SEMA3C: variants seen among roughly 807,000 people sequenced by gnomAD.
SEMA3C encodes semaphorin 3C, also known as semaphorin-3C.
Under a neutral mutation model 89.4 loss-of-function variants are expected in SEMA3C, and 47 were observed. The ratio of observed to expected loss-of-function variants is 0.53; its 90% CI spans 0.42 to 0.67. SEMA3C has a LOEUF of 0.67. Ranked by LOEUF, SEMA3C falls within the 30% of genes least tolerant of loss-of-function variation. The pLI is 0.00. For missense variants in SEMA3C, 839 were observed against 929.1 expected (o/e 0.90, Z 1.26); for synonymous variants, 310 against 320.2 (o/e 0.97, Z 0.34).
chr7:80,922,339 C>T (rs574375603), upstream of SEMA3C: 196 of 1,255,026 alleles, frequency 1.6e-4, 5 homozygotes, highest in South Asian at 2.2e-3. Flanking sequence ...ATATGCCATC[C>T]TTTTAAGTTT....
chr7:80,904,176 G>T (rs776122311), intron 2 of SEMA3C, among the ~76,000 whole-genome samples: 1 of 152,056 alleles, frequency 6.6e-6, no homozygotes. Context: ...CAGTAGCTGG[G>T]ACTACAGCCG....
intron 12 of SEMA3C, among the ~76,000 whole-genome samples, chr7:80,773,003 G>A (rs1788468475): frequency 6.6e-6 from 1 of 152,132 alleles, no homozygotes; most frequent in African/African-American, 2.4e-5. Flanking sequence ...ATAAGCTTTA[G>A]AGAAGAAACA....
intron 11 of SEMA3C, among the ~76,000 whole-genome samples, chr7:80,790,490 TAC>T (rs1788911649): frequency 6.6e-6 from 1 of 152,194 alleles, no homozygotes; most frequent in South Asian, 2.1e-4. Context: ...TAGAATGGCC[TAC>T]AGGCCTCTGC....
chr7:80,802,062 C>T (rs887541406), intron 9 of SEMA3C, among the ~76,000 whole-genome samples: 11 of 152,014 alleles, frequency 7.2e-5, no homozygotes, highest in Middle Eastern at 6.8e-3. Context: ...ATATGATGTG[C>T]CCTGGGATAT....
At chr7:80,922,074 T>C (rs920556489), upstream of SEMA3C, among the ~76,000 whole-genome samples, 46 of 152,160 alleles carry the variant, frequency 3.0e-4, no homozygotes, top group African/African-American at 9.7e-4. Context: ...AGAAAATAGA[T>C]TGTGTATTTG....
intron 17 of SEMA3C, among the ~76,000 whole-genome samples, chr7:80,748,067 G>A (rs1203499804): frequency 1.3e-5 from 2 of 152,068 alleles, no homozygotes; most frequent in African/African-American, 2.4e-5. Context: ...CACAACAGAA[G>A]AATACACATA....
chr7:80,786,273 A>C (rs1013408533), intron 12 of SEMA3C, among the ~76,000 whole-genome samples: 1 of 152,236 alleles, frequency 6.6e-6, no homozygotes, highest in Non-Finnish European at 1.5e-5. Context: ...TTTGTGCAAA[A>C]GTATGCTTCT....
At chr7:80,805,040 C>A (rs960572580) in intron 7 of SEMA3C, among the ~76,000 whole-genome samples, 1 of 151,924 alleles carries the variant, frequency 6.6e-6, no homozygotes, top group Non-Finnish European at 1.5e-5. Context: ...ACCAAATGAG[C>A]ACCTTTTTTG....
At chr7:80,752,594 C>T (rs1051222055) in intron 15 of SEMA3C, among the ~76,000 whole-genome samples, 12 of 130,918 alleles carry the variant, frequency 9.2e-5, no homozygotes, top group Non-Finnish European at 1.6e-4. Context: ...CAGCCTGGGT[C>T]ACAGGGTGAG....
rs1332683738 is a variant in SEMA3C at position 80,743,050 on chromosome 7, T to C, written c.*1844A>G. 2.6e-5 allele frequency: 4 copies of C among 151,900 alleles called. No homozygotes were observed. Among genetic ancestry groups the C allele is most frequent in the Non-Finnish European group, 4.4e-5 (3 of 67,820 alleles). The allele number at this position is 151,900 out of a possible 1,614,324, so 9.4% of individuals were successfully genotyped here. On this transcript the variant is annotated 3_prime_UTR_variant, in exon 18 of 18. Transcript: ENST00000265361. ...ACAATTTTACTTTTAACTTTGAGAATAGATTGGCCATAAACACAGAAGATG... is the reference window on the plus strand; with the variant it reads ...ACAATTTTACTTTTAACTTTGAGAACAGATTGGCCATAAACACAGAAGATG...
At chr7:80,794,814 C>G (rs1789023784) in intron 11 of SEMA3C, among the ~76,000 whole-genome samples, 1 of 152,112 alleles carries the variant, frequency 6.6e-6, no homozygotes, top group African/African-American at 2.4e-5. Flanking sequence ...TGCAACATAC[C>G]AAAAGTGTCT....
chr7:80,801,225 AT>A (rs1240754530), intron 9 of SEMA3C, among the ~76,000 whole-genome samples: 1 of 152,114 alleles, frequency 6.6e-6, no homozygotes, highest in Non-Finnish European at 1.5e-5. Flanking sequence ...ATATCCTTTA[AT>A]GTTAATATAT....
In SEMA3C at chr7:80,815,506, A is replaced by G. The variant is rs553784444; in HGVS notation, c.447+2793T>C. ...ATTAGAAAAAAGAAGTCACAGAACC[A>G]AAAAAAGGATTTTAAGGGAAAGAAA... On this transcript the variant is annotated intron_variant, in intron 5 of 17. Coordinates refer to ENST00000265361, the MANE Select transcript of SEMA3C (RefSeq NM_006379.5). 4.7e-5 allele frequency among the ~76,000 whole-genome samples: 7 copies of G among 148,744 alleles called. No individual in the cohort carries two copies. In the South Asian group the frequency reaches 1.5e-3, roughly 32 times the overall value.
chr7:80,911,962 C>T lies in SEMA3C; in HGVS notation c.103+4717G>A, dbSNP rs187567786. ...TTTTTTTTAATGGAACCGCTGTGTT[C>T]GTATGACCGATTAACAAAACACTCA... On this transcript the variant is annotated intron_variant, in intron 2 of 17. Transcript: ENST00000265361. Among the ~76,000 whole-genome samples the T allele has an allele frequency of 2.8e-4, 42 of 152,050 alleles. 1 individual carries two copies. In the East Asian group the frequency reaches 6.4e-3, roughly 23 times the overall value.
chr7:80,817,712 C>T (rs909435437), intron 5 of SEMA3C, among the ~76,000 whole-genome samples: 5 of 152,000 alleles, frequency 3.3e-5, no homozygotes, highest in African/African-American at 9.7e-5. Flanking sequence ...GCTGGAATAG[C>T]CTAATGTAGG....
At chr7:80,866,884 C>T (rs1158860321) in intron 2 of SEMA3C, among the ~76,000 whole-genome samples, 3 of 152,098 alleles carry the variant, frequency 2.0e-5, no homozygotes, top group South Asian at 2.1e-4. Context: ...AGCTTAAAAA[C>T]GGACATATTT....
chr7:80,900,314 C>T (rs1791847125), intron 2 of SEMA3C, among the ~76,000 whole-genome samples: 1 of 152,058 alleles, frequency 6.6e-6, no homozygotes, highest in South Asian at 2.1e-4. Flanking sequence ...GGGGTTTCAA[C>T]ATGTTAGCTA....
chr7:80,818,414 C>T lies in SEMA3C; in HGVS notation c.332G>A (p.Gly111Asp). 2 of 1,612,862 alleles carry T rather than the reference C, an allele frequency of 1.2e-6. No homozygotes were observed. Among genetic ancestry groups the T allele is most frequent in the Non-Finnish European group, 1.7e-6 (2 of 1,179,086 alleles). ...AATTACACGGACAAAGTTCCCACAG[C>T]CGTGCTAAAAGAATCAGTAAATAAG... ...CKMAGKDPTH[G>D]CGNFVRVIQT... Residue 111 changes from glycine (G) to aspartate (D), a missense_variant, in exon 5 of 18, where the codon GGC (glycine) becomes GAC (aspartate). Coordinates refer to ENST00000265361, the MANE Select transcript of SEMA3C (RefSeq NM_006379.5).
chr7:80,746,494 T>A (rs917329672), intron 17 of SEMA3C, among the ~76,000 whole-genome samples: 1 of 152,140 alleles, frequency 6.6e-6, no homozygotes, highest in East Asian at 1.9e-4. Flanking sequence ...GAGTCCAATA[T>A]GGTAAATCCA....
Sources: allele counts gnomAD v4.1 joint callset (sites outside exome capture counted in the v4.1 genomes callset), GRCh38; gene constraint gnomAD v4.1.1; transcripts MANE v1.5; gene names NCBI Gene and HGNC (gene_info 2026-07-23, HGNC 2026-07-21).